CDK8: variants seen among roughly 807,000 people sequenced by gnomAD.
CDK8 encodes cyclin-dependent kinase 8.
In CDK8, 29 loss-of-function variants were observed where a neutral mutation model predicts 71.5. The ratio of observed to expected loss-of-function variants is 0.41; its 90% CI spans 0.30 to 0.55. CDK8 has a LOEUF of 0.55. Among genes scored for constraint, CDK8 ranks in the 20% least tolerant of loss-of-function variants. The probability of loss-of-function intolerance (pLI) is 0.37; values close to 1 mark genes in which losing one functional copy is unlikely to be tolerated. For missense variants in CDK8, 288 were observed against 572.6 expected (o/e 0.50, Z 5.07); for synonymous variants, 161 against 192.1 (o/e 0.84, Z 1.34).
chr13:26,320,595 A>G (rs1024074206), intron 1 of CDK8, among the ~76,000 whole-genome samples: 1 of 152,184 alleles, frequency 6.6e-6, no homozygotes, highest in African/African-American at 2.4e-5. Flanking sequence ...AAGGCAACTA[A>G]CAGAATGGGA....
chr13:26,350,785 A>G (rs1873651271), intron 3 of CDK8, among the ~76,000 whole-genome samples: 1 of 152,194 alleles, frequency 6.6e-6, no homozygotes, highest in South Asian at 2.1e-4. Context: ...ATTGAAAAAA[A>G]TTACTGTAAA....
chr13:26,298,643 A>G (rs145976737), intron 1 of CDK8, among the ~76,000 whole-genome samples: 94 of 152,274 alleles, frequency 6.2e-4, no homozygotes, highest in African/African-American at 2.2e-3. Flanking sequence ...TGACCAGGAT[A>G]TAGTCAAAAC....
At chr13:26,307,347 G>A (rs1874091495) in intron 1 of CDK8, among the ~76,000 whole-genome samples, 1 of 152,156 alleles carries the variant, frequency 6.6e-6, no homozygotes, top group African/African-American at 2.4e-5. Flanking sequence ...GTCAGAGAAG[G>A]AGGTATGACA....
chr13:26,293,815 T>A (rs1369097903), intron 1 of CDK8, among the ~76,000 whole-genome samples: 1 of 152,104 alleles, frequency 6.6e-6, no homozygotes, highest in Non-Finnish European at 1.5e-5. Flanking sequence ...ACTCTGCAAT[T>A]TTCAAGTATA....
At chr13:26,314,836 G>A (rs1874436393) in intron 1 of CDK8, among the ~76,000 whole-genome samples, 1 of 152,044 alleles carries the variant, frequency 6.6e-6, no homozygotes, top group Non-Finnish European at 1.5e-5. Flanking sequence ...TACAAATATT[G>A]TATTAGTAAT....
At chr13:26,339,264 A>G (rs1243902481) in intron 2 of CDK8, among the ~76,000 whole-genome samples, 3 of 151,974 alleles carry the variant, frequency 2.0e-5, no homozygotes, top group Non-Finnish European at 4.4e-5. Context: ...TTTCTAGTCT[A>G]TGATATACTC....
At chr13:26,391,718 A>T (rs1039978247) in intron 6 of CDK8, among the ~76,000 whole-genome samples, 1 of 152,224 alleles carries the variant, frequency 6.6e-6, no homozygotes, top group Non-Finnish European at 1.5e-5. Context: ...AGGTTGGCCT[A>T]TGTTTCTTGA....
At chr13:26,289,947 A>AT (rs1200729489) in intron 1 of CDK8, among the ~76,000 whole-genome samples, 1 of 152,188 alleles carries the variant, frequency 6.6e-6, no homozygotes, top group Non-Finnish European at 1.5e-5. Flanking sequence ...TGCACCAAAC[A>AT]TTTTTTGTAA....
chr13:26,366,404 A>G (rs1284267851), intron 4 of CDK8, among the ~76,000 whole-genome samples: 1 of 152,136 alleles, frequency 6.6e-6, no homozygotes, highest in Non-Finnish European at 1.5e-5. Flanking sequence ...TAATACAATG[A>G]GAAGTTTCCT....
intron 4 of CDK8, among the ~76,000 whole-genome samples, chr13:26,373,521 G>T (rs777380365): frequency 6.6e-6 from 1 of 152,046 alleles, no homozygotes; most frequent in Non-Finnish European, 1.5e-5. Flanking sequence ...AATGGTGCAA[G>T]GGCCATCACA....
At chr13:26,390,067 C>T (rs1253721824) in intron 6 of CDK8, among the ~76,000 whole-genome samples, 1 of 152,134 alleles carries the variant, frequency 6.6e-6, no homozygotes, top group East Asian at 1.9e-4. Flanking sequence ...ATACCAGCCT[C>T]TACCACACAA....
intron 1 of CDK8, among the ~76,000 whole-genome samples, chr13:26,304,101 TAAAAATACAAA>T (rs1357890137): frequency 6.6e-6 from 1 of 151,874 alleles, no homozygotes; most frequent in Non-Finnish European, 1.5e-5. Flanking sequence ...CCATCTCTAC[TAAAAATACAAA>T]AAATTAGCCA....
At chr13:26,325,579 G>A (rs1874979338) in intron 1 of CDK8, among the ~76,000 whole-genome samples, 1 of 152,130 alleles carries the variant, frequency 6.6e-6, no homozygotes. Context: ...TAGGGATTTG[G>A]CTTGGGCTGA....
At chr13:26,291,764 T>C (rs185079241) in intron 1 of CDK8, among the ~76,000 whole-genome samples, 106 of 152,328 alleles carry the variant, frequency 7.0e-4, no homozygotes, top group African/African-American at 2.5e-3. Context: ...CATCCTCACG[T>C]ATATGCAAAC....
intron 1 of CDK8, among the ~76,000 whole-genome samples, chr13:26,275,837 C>G (rs1283600397): frequency 1.3e-5 from 2 of 151,962 alleles, no homozygotes; most frequent in East Asian, 3.8e-4. Flanking sequence ...AGTACTTCCA[C>G]TTGAGGAAAC....
intron 1 of CDK8, among the ~76,000 whole-genome samples, chr13:26,278,629 C>T (rs1872637242): frequency 6.6e-6 from 1 of 152,100 alleles, no homozygotes. Context: ...ATTATTTAGG[C>T]CTTGAATTCT....
At chr13:26,286,677 G>A (rs774686889) in intron 1 of CDK8, among the ~76,000 whole-genome samples, 1 of 152,166 alleles carries the variant, frequency 6.6e-6, no homozygotes, top group African/African-American at 2.4e-5. Context: ...AAACGAAAAA[G>A]CTTCTGCACA....
chr13:26,285,910 C>T lies in CDK8; in HGVS notation c.128+31141C>T, dbSNP rs936696599. Among the ~76,000 whole-genome samples the T allele has an allele frequency of 5.3e-5, 8 of 150,674 alleles. No homozygotes were observed. In the South Asian group the frequency reaches 1.2e-3, roughly 24 times the overall value. ...ACAACAGCTGCAATAAATAAATAAA[C>T]AAACAAACAAATAAATAAAATACTT... On this transcript the variant is annotated intron_variant, in intron 1 of 12. Coordinates refer to ENST00000381527, the MANE Select transcript of CDK8 (RefSeq NM_001260.3).
chr13:26,361,034 A>T (rs980615449), intron 4 of CDK8, among the ~76,000 whole-genome samples: 2 of 151,962 alleles, frequency 1.3e-5, no homozygotes, highest in Non-Finnish European at 2.9e-5. Context: ...TTTTTGTTTC[A>T]CTCAGTGAAA....
Sources: gnomAD v4.1 joint callset for allele counts (sites outside exome capture counted in the v4.1 genomes callset) on GRCh38, gnomAD v4.1.1 for gene constraint, MANE v1.5 for transcripts, NCBI Gene and HGNC (gene_info 2026-07-23, HGNC 2026-07-21) for gene names.